Variants in PPM1L observed in about 807,000 individuals in gnomAD.
PPM1L encodes the protein protein phosphatase 1L.
In PPM1L, 13 loss-of-function variants were observed where a neutral mutation model predicts 31.4. The observed-to-expected ratio is 0.41, with a 90% CI of 0.27 to 0.66. The LOEUF (loss-of-function observed/expected upper bound fraction) is 0.66, where lower values mean the gene tolerates loss of function less well. Among genes scored for constraint, PPM1L ranks in the 30% least tolerant of loss-of-function variants. The probability of loss-of-function intolerance (pLI) is 0.29; values close to 1 mark genes in which losing one functional copy is unlikely to be tolerated. For missense variants in PPM1L, 326 were observed against 453.7 expected (o/e 0.72, Z 2.56); for synonymous variants, 184 against 175.4 (o/e 1.05, Z -0.39).
At chr3:160,913,175 C>G (rs188507725) in intron 1 of PPM1L, among the ~76,000 whole-genome samples, 1 of 151,956 alleles carries the variant, frequency 6.6e-6, no homozygotes, top group Admixed American at 6.6e-5. Context: ...GAGTTTTAGG[C>G]CCCCCAACAG....
intron 1 of PPM1L, among the ~76,000 whole-genome samples, chr3:160,844,173 CCATGG>C (rs1252802951): frequency 6.6e-6 from 1 of 152,162 alleles, no homozygotes; most frequent in East Asian, 1.9e-4. Flanking sequence ...ATTTGGAATT[CCATGG>C]GTAGAACTTA....
intron 2 of PPM1L, among the ~76,000 whole-genome samples, chr3:161,015,140 T>G (rs1451034144): frequency 6.6e-6 from 1 of 152,136 alleles, no homozygotes; most frequent in East Asian, 1.9e-4. Context: ...CTCACACACA[T>G]CAAAAGCATC....
At chr3:160,950,372 A>T (rs1468096585) in intron 1 of PPM1L, among the ~76,000 whole-genome samples, 1 of 152,138 alleles carries the variant, frequency 6.6e-6, no homozygotes, top group African/African-American at 2.4e-5. Context: ...CGATTTGGGG[A>T]TGGGGATCCT....
At chr3:160,858,553 T>C (rs1711795678) in intron 1 of PPM1L, among the ~76,000 whole-genome samples, 1 of 152,326 alleles carries the variant, frequency 6.6e-6, no homozygotes, top group Non-Finnish European at 1.5e-5. Flanking sequence ...CAATAAATCT[T>C]ATTTCCTTAT....
chr3:160,873,313 C>A (rs1560134139), intron 1 of PPM1L, among the ~76,000 whole-genome samples: 1 of 152,174 alleles, frequency 6.6e-6, no homozygotes, highest in Non-Finnish European at 1.5e-5. Context: ...TGGCTAGAAT[C>A]AGCTGCATAA....
chr3:160,865,167 G>A (rs1432108331), intron 1 of PPM1L, among the ~76,000 whole-genome samples: 2 of 152,152 alleles, frequency 1.3e-5, no homozygotes, highest in African/African-American at 4.8e-5. Flanking sequence ...GAGGCTAAAT[G>A]GCTTCAGTAT....
At chr3:160,786,130 TCTC>T (rs1711912715) in intron 1 of PPM1L, among the ~76,000 whole-genome samples, 3 of 92,948 alleles carry the variant, frequency 3.2e-5, no homozygotes, top group African/African-American at 1.7e-4. Context: ...CTCATTTTTC[TCTC>T]TCTCTCTCTC....
chr3:160,961,924 TA>T lies in PPM1L; in HGVS notation c.574+18del. 2.0e-6 allele frequency: 3 copies of T among 1,532,012 alleles called. No individual in the cohort carries two copies. In the South Asian group the frequency reaches 3.9e-5, roughly 20 times the overall value. The allele number at this position is 1,532,012 out of a possible 1,614,324, so 94.9% of individuals were successfully genotyped here. A position where few individuals can be genotyped will look rare whatever the true frequency, so the allele number is the denominator to read the frequency against. ...ATGATGAAGCAGGTATGTTTGTTTT[TA>T]AAACACACATTTTTTTTCCTTGCAA... is the stretch of plus-strand genomic sequence containing the variant. On this transcript the variant is annotated intron_variant, in intron 2 of 3. Coordinates refer to ENST00000498165, the MANE Select transcript of PPM1L (RefSeq NM_139245.4).
At chr3:161,042,227 C>T (rs1176090110) in intron 2 of PPM1L, among the ~76,000 whole-genome samples, 1 of 152,210 alleles carries the variant, frequency 6.6e-6, no homozygotes, top group Non-Finnish European at 1.5e-5. Context: ...TCCCATTAAG[C>T]TGTCACTTCT....
chr3:160,783,474 C>A (rs1471368186), intron 1 of PPM1L, among the ~76,000 whole-genome samples: 1 of 151,702 alleles, frequency 6.6e-6, no homozygotes, highest in Non-Finnish European at 1.5e-5. Context: ...GTGGCGGGTG[C>A]CTGTAATCCC....
chr3:160,782,652 T>TA (rs541998280), intron 1 of PPM1L, among the ~76,000 whole-genome samples: 280 of 152,342 alleles, frequency 1.8e-3, no homozygotes, highest in African/African-American at 6.1e-3. Flanking sequence ...TTGACTTTCT[T>TA]AAAAAACCTC....
chr3:161,013,589 G>C (rs922063701), intron 2 of PPM1L, among the ~76,000 whole-genome samples: 9 of 152,062 alleles, frequency 5.9e-5, no homozygotes, highest in African/African-American at 2.2e-4. Flanking sequence ...TGTTAACTTT[G>C]TGTCTCGTTG....
At chr3:161,009,701 G>A (rs1192318889) in intron 2 of PPM1L, among the ~76,000 whole-genome samples, 4 of 152,122 alleles carry the variant, frequency 2.6e-5, no homozygotes, top group Non-Finnish European at 1.5e-5. Flanking sequence ...ACTATATATA[G>A]ACTGTCCTCT....
intron 2 of PPM1L, among the ~76,000 whole-genome samples, chr3:161,018,157 C>T (rs1471341190): frequency 2.6e-5 from 4 of 152,172 alleles, no homozygotes; most frequent in Non-Finnish European, 5.9e-5. Flanking sequence ...TCACAGATTA[C>T]GTGCTGGCAA....
At chr3:160,827,293 G>T (rs958588339) in intron 1 of PPM1L, among the ~76,000 whole-genome samples, 6 of 152,092 alleles carry the variant, frequency 3.9e-5, no homozygotes, top group Admixed American at 6.6e-5. Context: ...TGTCCTCTGA[G>T]ATACTTTTTT....
chr3:160,988,948 G>A (rs1168433681), intron 2 of PPM1L, among the ~76,000 whole-genome samples: 2 of 152,144 alleles, frequency 1.3e-5, no homozygotes, highest in Non-Finnish European at 2.9e-5. Context: ...CAGAAGAGGG[G>A]AAGGCATCAA....
Position 160,903,164 on chromosome 3 carries a change from AGTGT to A in PPM1L, c.400-58546_400-58543del, listed in dbSNP as rs60731351. Among the ~76,000 whole-genome samples the A allele has an allele frequency of 9.2e-4, 98 of 106,576 alleles. 1 individual carries two copies. In the East Asian group the frequency reaches 0.01, roughly 11 times the overall value. 69.9% of individuals were successfully genotyped at this position (106,576 alleles called of 152,430 possible). A position where few individuals can be genotyped will look rare whatever the true frequency, so the allele number is the denominator to read the frequency against. On this transcript the variant is annotated intron_variant, in intron 1 of 3. Coordinates refer to ENST00000498165, the MANE Select transcript of PPM1L (RefSeq NM_139245.4). ...GGTTGTCCAAAGAAATAGAAGCAAT[AGTGT>A]GTGTGTGTGTGTGTGTGTGTGTGTG...
chr3:161,012,332 G>A (rs914162949), intron 2 of PPM1L, among the ~76,000 whole-genome samples: 18 of 152,220 alleles, frequency 1.2e-4, no homozygotes, highest in Non-Finnish European at 1.8e-4. Context: ...ATTGATTTGC[G>A]TATGTTGAAC....
chr3:160,808,809 A>C (rs1247015733), intron 1 of PPM1L, among the ~76,000 whole-genome samples: 1 of 152,184 alleles, frequency 6.6e-6, no homozygotes, highest in Non-Finnish European at 1.5e-5. Flanking sequence ...GGGTTGAATT[A>C]TGTGATCTCT....
Sources: allele counts gnomAD v4.1 joint callset (sites outside exome capture counted in the v4.1 genomes callset), GRCh38; gene constraint gnomAD v4.1.1; transcripts MANE v1.5; gene names NCBI Gene and HGNC (gene_info 2026-07-23, HGNC 2026-07-21).